Variants in HYCC1 observed in about 807,000 individuals in gnomAD.
HYCC1 encodes the protein hyccin.
the HYCC1 span, among the ~76,000 whole-genome samples, chr7:23,002,460 C>T: frequency 1.3e-5 from 2 of 151,988 alleles, no homozygotes; most frequent in African/African-American, 4.8e-5. Context: ...CTCTTGAACA[C>T]CTAGGAACAC....
the HYCC1 span, among the ~76,000 whole-genome samples, chr7:23,006,489 G>C: frequency 6.6e-6 from 1 of 152,022 alleles, no homozygotes; most frequent in Non-Finnish European, 1.5e-5. Flanking sequence ...GGATGGTCTC[G>C]ATCTCTTGAC....
the HYCC1 span, among the ~76,000 whole-genome samples, chr7:22,950,232 C>T: frequency 1.3e-5 from 2 of 151,882 alleles, no homozygotes; most frequent in South Asian, 2.1e-4. Flanking sequence ...CTTGGTCAAC[C>T]CATCCAAAGT....
chr7:22,905,201 CTTTTTTCT>C, the HYCC1 span, among the ~76,000 whole-genome samples: 9 of 151,922 alleles, frequency 5.9e-5, no homozygotes, highest in South Asian at 1.2e-3. Context: ...GATTACATTT[CTTTTTTCT>C]TTTTTTCTTT....
chr7:22,930,500 T>C, the HYCC1 span, among the ~76,000 whole-genome samples: 1 of 151,628 alleles, frequency 6.6e-6, no homozygotes, highest in Non-Finnish European at 1.5e-5. Context: ...AAGAAAATAC[T>C]GTGGTTGAAG....
At chr7:23,006,782 A>G in the HYCC1 span, among the ~76,000 whole-genome samples, 1 of 152,338 alleles carries the variant, frequency 6.6e-6, no homozygotes, top group African/African-American at 2.4e-5. Context: ...AACTATGAAA[A>G]GACTCTTTGT....
chr7:22,963,380 G>T, the HYCC1 span, among the ~76,000 whole-genome samples: 5 of 152,286 alleles, frequency 3.3e-5, 1 homozygote, highest in African/African-American at 1.2e-4. Flanking sequence ...AGAGTCTAAT[G>T]AAATGGTTAG....
the HYCC1 span, among the ~76,000 whole-genome samples, chr7:23,010,063 G>A: frequency 6.6e-6 from 1 of 152,074 alleles, no homozygotes. Context: ...ATTGTTCTGA[G>A]GGGTATCCAT....
At chr7:22,930,589 A>C in the HYCC1 span, among the ~76,000 whole-genome samples, 1 of 152,000 alleles carries the variant, frequency 6.6e-6, no homozygotes, top group South Asian at 2.1e-4. Context: ...TCTTCCAAAA[A>C]ATAGAGAAGG....
the HYCC1 span, chr7:23,013,801 C>G: frequency 2.6e-6 from 1 of 380,134 alleles, no homozygotes; most frequent in Non-Finnish European, 5.4e-6. Flanking sequence ...GGAGCCGCGG[C>G]CCCAGGGACA....
At chr7:22,945,740 C>T in the HYCC1 span, 289 of 1,613,846 alleles carry the variant, frequency 1.8e-4, 1 homozygote, top group African/African-American at 3.1e-3. Context: ...CCCAGCCCCA[C>T]AACCAACAGC....
the HYCC1 span, among the ~76,000 whole-genome samples, chr7:22,998,368 A>G: frequency 1.3e-5 from 2 of 152,296 alleles, no homozygotes; most frequent in South Asian, 2.1e-4. Context: ...TTTCTTTTAG[A>G]TAAGAGCAGA....
At chr7:23,002,537 GT>G in the HYCC1 span, among the ~76,000 whole-genome samples, 1 of 152,088 alleles carries the variant, frequency 6.6e-6, no homozygotes, top group Non-Finnish European at 1.5e-5. Flanking sequence ...GAATTAGCCA[GT>G]TGCTTGCCAT....
the HYCC1 span, among the ~76,000 whole-genome samples, chr7:22,994,466 G>A: frequency 6.6e-6 from 1 of 152,000 alleles, no homozygotes; most frequent in Non-Finnish European, 1.5e-5. Flanking sequence ...CTAGGTGCTG[G>A]TTACTCAAGT....
chr7:22,967,067 G>A, the HYCC1 span, among the ~76,000 whole-genome samples: 1 of 152,154 alleles, frequency 6.6e-6, no homozygotes. Flanking sequence ...ACCGATGGAT[G>A]AAAGAAATTT....
At chr7:22,973,617 C>T in the HYCC1 span, among the ~76,000 whole-genome samples, 98,074 of 151,842 alleles carry the variant, frequency 0.65, 31,621 homozygotes, top group Non-Finnish European at 0.66. Flanking sequence ...TGGACATTTA[C>T]ATGAAATTAA....
the HYCC1 span, among the ~76,000 whole-genome samples, chr7:22,974,415 T>A: frequency 6.6e-6 from 1 of 152,178 alleles, no homozygotes; most frequent in Non-Finnish European, 1.5e-5. Context: ...ATCTGTGAAA[T>A]TCAAAAGTCC....
At chr7:22,906,803 A>G in the HYCC1 span, among the ~76,000 whole-genome samples, 1 of 152,128 alleles carries the variant, frequency 6.6e-6, no homozygotes, top group Non-Finnish European at 1.5e-5. Flanking sequence ...CAAATTACCA[A>G]AATGAAAAAT....
At chr7:22,907,343 C>T in the HYCC1 span, among the ~76,000 whole-genome samples, 1 of 152,230 alleles carries the variant, frequency 6.6e-6, no homozygotes, top group Middle Eastern at 3.4e-3. Flanking sequence ...GGGGTCTAGC[C>T]AAAAACTGGC....
the HYCC1 span, chr7:22,935,293 T>G: frequency 0.69 from 104,429 of 151,752 alleles, 35,941 homozygotes; most frequent in South Asian, 0.73. Flanking sequence ...GATGATGGGG[T>G]TTTTTTTCCA....
Sources: gnomAD v4.1 joint callset for allele counts (sites outside exome capture counted in the v4.1 genomes callset) on GRCh38, gnomAD v4.1.1 for gene constraint, MANE v1.5 for transcripts, NCBI Gene and HGNC (gene_info 2026-07-23, HGNC 2026-07-21) for gene names.